The following LINGO2 variants were observed in gnomAD, a reference collection of about 807,000 sequenced individuals.
LINGO2 encodes the protein leucine rich repeat and Ig domain containing 2, also known as leucine-rich repeat and immunoglobulin-like domain-containing nogo receptor-interacting protein 2.
LINGO2 carries 14 observed loss-of-function variants against 30.6 expected under a neutral mutation model. That is an observed-to-expected ratio of 0.46 (90% CI 0.30 to 0.72). LINGO2 has a LOEUF of 0.72. LINGO2 is among the 30% of genes least tolerant of loss of function. LINGO2 has a pLI of 0.07. For synonymous variants in LINGO2, 317 were observed against 288.5 expected (o/e 1.10, Z -1.00); for missense variants, 729 against 751.7 (o/e 0.97, Z 0.35).
the LINGO2 span, among the ~76,000 whole-genome samples, chr9:28,809,528 G>A: frequency 6.6e-5 from 10 of 152,198 alleles, no homozygotes; most frequent in Admixed American, 5.9e-4. Context: ...GACGGATCAC[G>A]AGGACAGGAG....
chr9:28,236,008 C>T (rs1587290593), intron 4 of LINGO2, among the ~76,000 whole-genome samples: 1 of 151,904 alleles, frequency 6.6e-6, no homozygotes, highest in Non-Finnish European at 1.5e-5. Context: ...AGATTTAGCC[C>T]AAATAAGACT....
the LINGO2 span, among the ~76,000 whole-genome samples, chr9:28,790,140 G>A: frequency 6.6e-6 from 1 of 151,912 alleles, no homozygotes; most frequent in African/African-American, 2.4e-5. Flanking sequence ...ATCCTGCTTC[G>A]TCCTGCCTGG....
Position 28,065,914 on chromosome 9 carries a change from T to C in LINGO2, c.-86-53509A>G, listed in dbSNP as rs187401490. On this transcript the variant is annotated intron_variant, in intron 4 of 5. Coordinates refer to ENST00000379992, the Ensembl canonical transcript of LINGO2. Reference sequence around the variant, plus strand: ...ATTGTTCACAAGTACAGGGAACAACTGACTCACCTGTATGTATGTCTGGAC... The same window carrying C: ...ATTGTTCACAAGTACAGGGAACAACCGACTCACCTGTATGTATGTCTGGAC... Among the ~76,000 whole-genome samples the C allele has an allele frequency of 4.3e-4, 66 of 152,214 alleles. No individual in the cohort carries two copies. The East Asian group carries it at 0.012, about 28-fold the overall frequency.
chr9:28,311,639 T>A (rs1258946455), intron 3 of LINGO2, among the ~76,000 whole-genome samples: 2 of 152,216 alleles, frequency 1.3e-5, no homozygotes, highest in East Asian at 3.9e-4. Flanking sequence ...TCTGGCTCAC[T>A]GGCAGTCAGA....
intron 1 of LINGO2, among the ~76,000 whole-genome samples, chr9:28,652,692 C>A (rs1003661924): frequency 6.7e-6 from 1 of 149,328 alleles, no homozygotes; most frequent in South Asian, 2.1e-4. Flanking sequence ...TCTAGTAAGA[C>A]ATGTTGCTGA....
the LINGO2 span, among the ~76,000 whole-genome samples, chr9:28,769,692 T>TTA: frequency 6.7e-6 from 1 of 150,128 alleles, no homozygotes; most frequent in Non-Finnish European, 1.5e-5. Context: ...TTTTTTTTTT[T>TTA]ACTTAAAATT....
the LINGO2 span, among the ~76,000 whole-genome samples, chr9:28,732,092 G>A: frequency 3.3e-5 from 5 of 152,076 alleles, no homozygotes; most frequent in African/African-American, 1.2e-4. Flanking sequence ...ATAAGGAGGA[G>A]CTAGAACAAC....
At chr9:29,041,779 T>C in the LINGO2 span, among the ~76,000 whole-genome samples, 1 of 151,958 alleles carries the variant, frequency 6.6e-6, no homozygotes, top group Non-Finnish European at 1.5e-5. Context: ...TCAGGATCAA[T>C]AAATGAAAAC....
intron 4 of LINGO2, among the ~76,000 whole-genome samples, chr9:28,043,441 G>A (rs1020603647): frequency 1.3e-5 from 2 of 152,204 alleles, no homozygotes; most frequent in African/African-American, 4.8e-5. Context: ...GAGTATGGCA[G>A]TCTCTGCAGT....
chr9:28,935,984 G>A, the LINGO2 span, among the ~76,000 whole-genome samples: 1 of 152,110 alleles, frequency 6.6e-6, no homozygotes, highest in Non-Finnish European at 1.5e-5. Context: ...TAGAGAAAAT[G>A]AGTATTTTGT....
At chr9:28,304,086 T>C (rs1484339319) in intron 3 of LINGO2, among the ~76,000 whole-genome samples, 2 of 152,044 alleles carry the variant, frequency 1.3e-5, no homozygotes, top group Non-Finnish European at 2.9e-5. Context: ...AGCTTCTTTA[T>C]TCCTCTCCAT....
In LINGO2 at chr9:28,597,193, T is replaced by C. The variant is rs150297983; in HGVS notation, c.-365+73007A>G. Among the ~76,000 whole-genome samples, 637 of 152,126 alleles carry C rather than the reference T, an allele frequency of 4.2e-3. 8 individuals are homozygous for C. The highest frequency in any genetic ancestry group is 6.3e-3 in the Admixed American group (96 of 15,266). ...TGGGGACCAATTTAATTTCTAAGCATGGGGTAAGGCATCTACTAGCTTTGG... is the reference window on the plus strand; with the variant it reads ...TGGGGACCAATTTAATTTCTAAGCACGGGGTAAGGCATCTACTAGCTTTGG... On this transcript the variant is annotated intron_variant, in intron 1 of 5. Transcript: ENST00000379992.
chr9:28,173,912 G>T (rs915702102), intron 4 of LINGO2, among the ~76,000 whole-genome samples: 3 of 152,222 alleles, frequency 2.0e-5, no homozygotes, highest in Non-Finnish European at 4.4e-5. Flanking sequence ...AGGAGTAGCT[G>T]GTTATAGCAA....
intron 4 of LINGO2, among the ~76,000 whole-genome samples, chr9:28,276,032 T>A (rs1322208541): frequency 6.6e-6 from 1 of 152,166 alleles, no homozygotes; most frequent in Non-Finnish European, 1.5e-5. Flanking sequence ...AAAATTAACA[T>A]AATAGTACTT....
the LINGO2 span, among the ~76,000 whole-genome samples, chr9:29,164,731 C>T: frequency 6.6e-6 from 1 of 151,970 alleles, no homozygotes; most frequent in African/African-American, 2.4e-5. Flanking sequence ...CACACAAACA[C>T]ACACATTCAT....
intron 4 of LINGO2, among the ~76,000 whole-genome samples, chr9:28,232,354 G>T (rs933206507): frequency 1.4e-5 from 2 of 141,558 alleles, no homozygotes; most frequent in African/African-American, 5.3e-5. Flanking sequence ...GGAGGCAGAG[G>T]TTGCACTGAG....
chr9:28,757,480 G>C, the LINGO2 span, among the ~76,000 whole-genome samples: 2 of 151,970 alleles, frequency 1.3e-5, no homozygotes, highest in African/African-American at 4.8e-5. Flanking sequence ...CCCAGGTTTG[G>C]TAACTTGACC....
chr9:29,194,818 T>TC, the LINGO2 span, among the ~76,000 whole-genome samples: 8 of 152,198 alleles, frequency 5.3e-5, no homozygotes, highest in Non-Finnish European at 1.0e-4. Flanking sequence ...TAATACAATA[T>TC]CACTACCAGG....
chr9:28,136,161 A>C (rs1347989437), intron 4 of LINGO2, among the ~76,000 whole-genome samples: 3 of 152,228 alleles, frequency 2.0e-5, no homozygotes, highest in Non-Finnish European at 2.9e-5. Context: ...TATCAAGCTT[A>C]TAATCACATA....
Sources: allele counts gnomAD v4.1 joint callset (sites outside exome capture counted in the v4.1 genomes callset), GRCh38; gene constraint gnomAD v4.1.1; transcripts MANE v1.5; gene names NCBI Gene and HGNC (gene_info 2026-07-23, HGNC 2026-07-21).